The following SRRM2 variants were observed in gnomAD, a reference collection of about 807,000 sequenced individuals.
The protein encoded by SRRM2 is serine/arginine repetitive matrix 2, also known as serine/arginine repetitive matrix protein 2.
Under a neutral mutation model 213.8 loss-of-function variants are expected in SRRM2, and 30 were observed. The ratio of observed to expected loss-of-function variants is 0.14; its 90% CI spans 0.10 to 0.19. SRRM2 has a LOEUF of 0.19. Ranked by LOEUF, SRRM2 falls within the 10% of genes least tolerant of loss-of-function variation. The probability of loss-of-function intolerance (pLI) is 1.00; values close to 1 mark genes in which losing one functional copy is unlikely to be tolerated. For synonymous variants in SRRM2, 2,025 were observed against 1,377.7 expected (o/e 1.47, Z -10.40); for missense variants, 4,904 against 3,647.0 (o/e 1.34, Z -8.88).
chr16:2,764,360 C>T lies in SRRM2; in HGVS notation c.3832C>T (p.Pro1278Ser), dbSNP rs761352556. ...FESSPEVEER[P>S]AVSLTLDQSQ... The stretch of plus-strand genomic sequence containing the variant: ...ATCATCTCCTGAAGTAGAAGAAAGG[C>T]CTGCTGTGTCTTTGACTCTTGATCA... Residue 1278 changes from proline to serine, a missense_variant, in exon 11 of 15, where the codon CCT (proline) becomes TCT (serine). Transcript: ENST00000301740. 6.2e-7 allele frequency: 1 copy of T among 1,614,192 alleles called. No individual in the cohort carries two copies. The highest frequency in any genetic ancestry group is 8.5e-7 in the Non-Finnish European group (1 of 1,180,048).
In SRRM2 at chr16:2,769,098, C is replaced by A. The variant is rs140101717; in HGVS notation, c.7835C>A (p.Ser2612Tyr). ...AAGAGGCGCTCTAGCAGTTCCAGTT[C>A]CAGCTCCTCCTCTTCATCTTCCTCC... ...KRKRRSSSSSSSSSSSSSSSS... is the reference protein window; with the variant it reads ...KRKRRSSSSSYSSSSSSSSSS... The change falls in exon 12 of 15, where the codon TCC becomes TAC. Residue 2612 changes from serine to tyrosine, a missense_variant. Physicochemically the swap from Ser to Tyr is moderately radical, Grantham distance 144 (BLOSUM62 -2). Transcript: ENST00000301740. The A allele has an allele frequency of 6.2e-7, 1 of 1,613,934 alleles. No homozygotes were observed. The highest frequency in any genetic ancestry group is 8.5e-7 in the Non-Finnish European group (1 of 1,180,006).
Position 2,763,320 on chromosome 16 carries a change from C to G in SRRM2, c.2792C>G (p.Ser931Cys). ...ATATCACCAAGACAAAGAAGCCATT[C>G]TGGCTCCTCTTCTCCAAGTCCTAGT... is the stretch of plus-strand genomic sequence containing the variant. The part of the protein sequence containing the change: ...AIISPRQRSH[S>C]GSSSPSPSRV... Residue 931 changes from serine to cysteine, a missense_variant, in exon 11 of 15, where the codon TCT becomes TGT. Transcript: ENST00000301740. The G allele has an allele frequency of 2.5e-6, 4 of 1,614,198 alleles. No individual in the cohort carries two copies. Among genetic ancestry groups the G allele is most frequent in the Non-Finnish European group, 3.4e-6 (4 of 1,180,030 alleles).
intron 9 of SRRM2, 74 bp downstream of exon 9, chr16:2,759,735 A>G: frequency 7.0e-7 from 1 of 1,420,060 alleles, no homozygotes. Flanking sequence ...TTGAGCGCCC[A>G]CGGTGTGCTA....
intron 14 of SRRM2, 48 bp from the exon 15 acceptor site, chr16:2,770,810 T>C: frequency 6.2e-7 from 1 of 1,613,494 alleles, no homozygotes; most frequent in South Asian, 1.1e-5. Context: ...AAACTGGCCT[T>C]GAGGGCTGGG....
chr16:2,754,245 C>A (rs894806238), intron 1 of SRRM2, among the ~76,000 whole-genome samples: 1 of 151,640 alleles, frequency 6.6e-6, no homozygotes, highest in Non-Finnish European at 1.5e-5. Flanking sequence ...CCTAAAAGTT[C>A]TCCGAAACAT....
At chr16:2,757,364 G>A (rs918052887) in intron 2 of SRRM2, 108 bp from the exon 3 acceptor site, 2 of 868,386 alleles carry the variant, frequency 2.3e-6, no homozygotes, top group Non-Finnish European at 3.7e-6. Flanking sequence ...GAAAAGTTCT[G>A]TGTGCGCATG....
At position 2,771,097 on chromosome 16, in the gene SRRM2, G is replaced by GGGGGGC; in HGVS notation, c.*230_*231insGGGGGC. The GGGGGGC allele has an allele frequency of 1.8e-5, 6 of 336,622 alleles. No homozygotes were observed. Among genetic ancestry groups the GGGGGGC allele is most frequent in the East Asian group, 8.0e-5 (1 of 12,574 alleles). 20.9% of individuals were successfully genotyped at this position (336,622 alleles called of 1,614,324 possible). On this transcript the variant is annotated 3_prime_UTR_variant, in exon 15 of 15. Transcript: ENST00000301740. ...GTTCTGGGGGGTTTGGGGTGGGAGG[G>GGGGGGC]AATGCAGATGGGAGTTGGGGGAGGG... is the stretch of plus-strand genomic sequence containing the variant.
At position 2,771,101 on chromosome 16, in the gene SRRM2, G is replaced by A; in HGVS notation, c.*234G>A. On this transcript the variant is annotated 3_prime_UTR_variant, in exon 15 of 15. Transcript: ENST00000301740. Reference sequence around the variant, plus strand: ...TGGGGGGTTTGGGGTGGGAGGGAATGCAGATGGGAGTTGGGGGAGGGGAGG... The same window carrying A: ...TGGGGGGTTTGGGGTGGGAGGGAATACAGATGGGAGTTGGGGGAGGGGAGG... 1 of 523,800 alleles carries A rather than the reference G, an allele frequency of 1.9e-6. No homozygotes were observed. The highest frequency in any genetic ancestry group is 3.4e-6 in the Non-Finnish European group (1 of 293,066). 32.4% of individuals were successfully genotyped at this position (523,800 alleles called of 1,614,324 possible). A position where few individuals can be genotyped will look rare whatever the true frequency, so the allele number is the denominator to read the frequency against.
At position 2,765,228 on chromosome 16, in the gene SRRM2, C is replaced by G; in HGVS notation, c.4700C>G (p.Ala1567Gly). The change falls in exon 11 of 15, where the codon GCC (alanine) becomes GGC (glycine). Residue 1567 changes from alanine (A) to glycine (G), a missense_variant. Physicochemically the swap from Ala to Gly is moderately conservative, Grantham distance 60 (BLOSUM62 0). Coordinates refer to ENST00000301740, the MANE Select transcript of SRRM2 (RefSeq NM_016333.4). ...TCAGACTCTTCTCCAGATTCTAAAG[C>G]CAAGACAAGAACCCCACTTCGGCAG... ...SESDSSPDSK[A>G]KTRTPLRQRS... The G allele has an allele frequency of 6.2e-7, 1 of 1,614,066 alleles. No homozygotes were observed.
rs776637620 is a variant in SRRM2, at chr16:2,771,306, GA to G, written c.*441del. 77 of 1,148,266 alleles carry G rather than the reference GA, an allele frequency of 6.7e-5. 2 individuals carry two copies. The South Asian group carries it at 9.0e-4, about 13-fold the overall frequency. The allele number at this position is 1,148,266 out of a possible 1,614,324, so 71.1% of individuals were successfully genotyped here. ...TCCCTACTGTCCCCCATGAGGTTGT[GA>G]ACCCCTCCCCCCAACTTTTCATGTT... On this transcript the variant is annotated 3_prime_UTR_variant, in exon 15 of 15. Transcript: ENST00000301740.
Position 2,762,178 on chromosome 16 carries a change from A to G in SRRM2, c.1650A>G (p.Arg550=), listed in dbSNP as rs528913849. The G allele has an allele frequency of 6.2e-7, 1 of 1,614,084 alleles. No homozygotes were observed. The highest frequency in any genetic ancestry group is 1.1e-5 in the South Asian group (1 of 91,076). ...GGTCTAGGAGCAGAAATACCCAGAG[A>G]AGAGGCAGGTCTAGGTCAGCAAGGC... ...PGWSRSRNTQ[R]RGRSRSARRG... Residue 550 remains arginine (R), a synonymous_variant, in exon 11 of 15, where the codon AGA becomes AGG. Transcript: ENST00000301740.
chr16:2,761,127 A>G lies in SRRM2; in HGVS notation c.1033-434A>G, dbSNP rs188886579. On this transcript the variant is annotated intron_variant, in intron 10 of 14. Coordinates refer to ENST00000301740, the MANE Select transcript of SRRM2 (RefSeq NM_016333.4). The stretch of plus-strand genomic sequence containing the variant: ...TTTTCTCATTTCCTGTACTCTACCC[A>G]TCCTGGGCTGCTTTTTTACTCTTCA... Among the ~76,000 whole-genome samples, 4 of 152,282 alleles carry G rather than the reference A, an allele frequency of 2.6e-5. No homozygotes were observed. In the East Asian group the frequency reaches 7.7e-4, roughly 29 times the overall value.
Position 2,760,437 on chromosome 16 carries a change from C to G in SRRM2, c.970C>G (p.Pro324Ala), listed in dbSNP as rs746982090. 6.2e-7 allele frequency: 1 copy of G among 1,614,084 alleles called. No homozygotes were observed. Among genetic ancestry groups the G allele is most frequent in the Non-Finnish European group, 8.5e-7 (1 of 1,180,034 alleles). ...TACCAGCACACAACGGCCTAGTAGC[C>G]CGGAGACTGCTACGAAACAGCCTAG... ...GTTSTQRPSS[P>A]ETATKQPSSP... The change falls in exon 10 of 15, where the codon CCG becomes GCG. Residue 324 changes from proline (P) to alanine (A), a missense_variant. Transcript: ENST00000301740.
chr16:2,757,669 C>G (rs1025987931), intron 3 of SRRM2, 90 bp downstream of exon 3: 1 of 1,579,922 alleles, frequency 6.3e-7, no homozygotes, highest in Non-Finnish European at 8.6e-7. Flanking sequence ...GGACTTCCTC[C>G]CTGCTTTCGT....
intron 10 of SRRM2, 45 bp from the exon 11 acceptor site, chr16:2,761,516 T>C: frequency 1.4e-6 from 2 of 1,441,564 alleles, no homozygotes; most frequent in Non-Finnish European, 9.2e-7. Flanking sequence ...ATGTGAAGTT[T>C]TGGCGTTTAT....
chr16:2,759,314 A>G (rs1395820551), intron 7 of SRRM2, 38 bp from the exon 8 acceptor site: 2 of 1,609,754 alleles, frequency 1.2e-6, no homozygotes, highest in African/African-American at 2.7e-5. Context: ...TTCCTTTTTT[A>G]AAGAAGTTAC....
Position 2,760,309 on chromosome 16 carries a change from G to C in SRRM2, c.842G>C (p.Ser281Thr). ...SSDTSRSRSR[S>T]AAAKTHTTAL... ...TCAATTAACTCCTGCAGGTCTCGAA[G>C]TGCTGCAGCTAAAACTCATACAACT... The change falls in exon 10 of 15, where the codon AGT (serine) becomes ACT (threonine). Residue 281 changes from serine (S) to threonine (T), a missense_variant. Ser to Thr is a moderately conservative substitution (Grantham distance 58). Transcript: ENST00000301740. 6.2e-7 allele frequency: 1 copy of C among 1,613,318 alleles called. No homozygotes were observed.
At chr16:2,753,022 C>G (rs1475210927) in intron 1 of SRRM2, among the ~76,000 whole-genome samples, 176 bp downstream of exon 1, 1 of 139,018 alleles carries the variant, frequency 7.2e-6, no homozygotes, top group Non-Finnish European at 1.5e-5. Context: ...CCGTTCCTGT[C>G]GCGCGCGGGC....
At chr16:2,753,208 G>A (rs2068002780) in intron 1 of SRRM2, among the ~76,000 whole-genome samples, 1 of 151,878 alleles carries the variant, frequency 6.6e-6, no homozygotes, top group Non-Finnish European at 1.5e-5. Context: ...AAGTGGCGGG[G>A]AAGGGGCGGC....
Sources: allele counts gnomAD v4.1 joint callset (sites outside exome capture counted in the v4.1 genomes callset), GRCh38; gene constraint gnomAD v4.1.1; transcripts MANE v1.5; gene names NCBI Gene and HGNC (gene_info 2026-07-23, HGNC 2026-07-21).